UVRAG: variants seen among roughly 807,000 people sequenced by gnomAD.
The protein encoded by UVRAG is UV radiation resistance-associated gene protein.
In UVRAG, 19 loss-of-function variants were observed where a neutral mutation model predicts 78.0. That is an observed-to-expected ratio of 0.24 (90% confidence interval 0.17 to 0.36). The LOEUF is 0.36. Ranked by LOEUF, UVRAG falls within the 10% of genes least tolerant of loss-of-function variation. The pLI is 1.00. For synonymous variants in UVRAG, 323 were observed against 324.6 expected (o/e 1.00, Z 0.05); for missense variants, 740 against 853.8 (o/e 0.87, Z 1.66).
At chr11:75,893,604 A>C (rs969248541) in intron 5 of UVRAG, among the ~76,000 whole-genome samples, 1 of 148,938 alleles carries the variant, frequency 6.7e-6, no homozygotes, top group Admixed American at 6.9e-5. Context: ...TTTCTAGTAA[A>C]CTTTCAGTCA....
At chr11:76,028,290 C>G (rs1257261512) in intron 12 of UVRAG, among the ~76,000 whole-genome samples, 3 of 152,090 alleles carry the variant, frequency 2.0e-5, no homozygotes, top group Non-Finnish European at 4.4e-5. Context: ...ATCTCTCTCC[C>G]TCTCCTCAAA....
intron 5 of UVRAG, among the ~76,000 whole-genome samples, chr11:75,901,753 A>G (rs925203623): frequency 4.6e-5 from 7 of 152,202 alleles, no homozygotes; most frequent in Non-Finnish European, 1.0e-4. Flanking sequence ...TTTGCCCTCA[A>G]TAATTAATGA....
chr11:75,834,591 G>A (rs1945739096), intron 1 of UVRAG, among the ~76,000 whole-genome samples: 1 of 152,136 alleles, frequency 6.6e-6, no homozygotes, highest in Admixed American at 6.6e-5. Flanking sequence ...GAGGCGGGTG[G>A]ATCATGAGGT....
At chr11:75,877,512 AC>A (rs529218162) in intron 3 of UVRAG, among the ~76,000 whole-genome samples, 7,379 of 90,360 alleles carry the variant, frequency 0.082, 383 homozygotes, top group African/African-American at 0.16. Flanking sequence ...GCGGGGGGTG[AC>A]CCCCCCCACC....
chr11:75,896,541 A>C (rs1461160545), intron 5 of UVRAG, among the ~76,000 whole-genome samples: 1 of 152,244 alleles, frequency 6.6e-6, no homozygotes, highest in African/African-American at 2.4e-5. Flanking sequence ...CTATTACTCC[A>C]GTAAATGGAA....
intron 3 of UVRAG, among the ~76,000 whole-genome samples, chr11:75,870,963 A>G (rs573911576): frequency 6.9e-4 from 105 of 151,872 alleles, no homozygotes; most frequent in Non-Finnish European, 6.3e-4. Flanking sequence ...TCCGCCTCCA[A>G]GGTACAAGCG....
chr11:75,997,308 T>C lies in UVRAG; in HGVS notation c.827-6697T>C, dbSNP rs75574311. Among the ~76,000 whole-genome samples the C allele has an allele frequency of 8.4e-3, 1,281 of 152,332 alleles. 14 individuals carry two copies. Among genetic ancestry groups the C allele is most frequent in the African/African-American group, 0.029 (1,193 of 41,584 alleles). On this transcript the variant is annotated intron_variant, in intron 8 of 14. Transcript: ENST00000356136. ...TGGCCAGTCTCAGACCAAACTCTGG[T>C]GAGAGAGAACCAAGAGTCTGTGTTT...
intron 7 of UVRAG, among the ~76,000 whole-genome samples, chr11:75,982,768 T>C (rs2135275691): frequency 6.6e-6 from 1 of 152,366 alleles, no homozygotes; most frequent in Admixed American, 6.5e-5. Context: ...GTGTGTGGCC[T>C]TTTAAAACTG....
intron 12 of UVRAG, among the ~76,000 whole-genome samples, chr11:76,064,240 A>C (rs540701313): frequency 3.7e-4 from 57 of 152,344 alleles, no homozygotes; most frequent in Admixed American, 9.1e-4. Context: ...AGAGCTGTTC[A>C]GATAGTCTAC....
At chr11:76,140,232 CT>C (rs369351363) in intron 14 of UVRAG, among the ~76,000 whole-genome samples, 449 of 151,206 alleles carry the variant, frequency 3.0e-3, no homozygotes, top group African/African-American at 0.011. Flanking sequence ...ATCCTTCTCA[CT>C]GCCTCACTGA....
chr11:76,030,861 T>C (rs1365505978), intron 12 of UVRAG, among the ~76,000 whole-genome samples: 1 of 152,218 alleles, frequency 6.6e-6, no homozygotes, highest in African/African-American at 2.4e-5. Flanking sequence ...ATCACAGAAA[T>C]GAAGTTCTTT....
At chr11:75,897,988 C>T (rs1351293745) in intron 5 of UVRAG, among the ~76,000 whole-genome samples, 2 of 150,220 alleles carry the variant, frequency 1.3e-5, no homozygotes, top group African/African-American at 4.9e-5. Context: ...TCTCTCTCAG[C>T]CTCCCGAGTG....
chr11:75,979,314 T>C (rs757103355), intron 7 of UVRAG, among the ~76,000 whole-genome samples: 1 of 152,224 alleles, frequency 6.6e-6, no homozygotes, highest in Non-Finnish European at 1.5e-5. Flanking sequence ...GTTAGGCTAC[T>C]TGGGGGTCAG....
At chr11:76,074,416 A>T (rs1459683217) in intron 13 of UVRAG, among the ~76,000 whole-genome samples, 1 of 152,202 alleles carries the variant, frequency 6.6e-6, no homozygotes, top group Non-Finnish European at 1.5e-5. Flanking sequence ...CTATCAGTGG[A>T]TTCTTCCTTG....
intron 12 of UVRAG, among the ~76,000 whole-genome samples, chr11:76,052,479 C>T (rs536386543): frequency 9.5e-4 from 145 of 152,206 alleles, no homozygotes; most frequent in Non-Finnish European, 1.8e-3. Context: ...GCTTCATTTC[C>T]TTACCTCTAG....
At chr11:75,904,858 T>C (rs1947582513) in intron 5 of UVRAG, among the ~76,000 whole-genome samples, 1 of 152,234 alleles carries the variant, frequency 6.6e-6, no homozygotes, top group South Asian at 2.1e-4. Context: ...CTTTTTATAT[T>C]GCTGTTATTT....
At chr11:76,125,722 T>G (rs1952375027) in intron 14 of UVRAG, among the ~76,000 whole-genome samples, 2 of 152,302 alleles carry the variant, frequency 1.3e-5, no homozygotes, top group African/African-American at 4.8e-5. Flanking sequence ...TTCTATTTAC[T>G]CCTTTTGATT....
At chr11:75,922,436 G>A (rs1252272338) in intron 6 of UVRAG, among the ~76,000 whole-genome samples, 1 of 151,502 alleles carries the variant, frequency 6.6e-6, no homozygotes, top group Non-Finnish European at 1.5e-5. Flanking sequence ...GTTTTTTTAA[G>A]GAAAGCTCTC....
intron 13 of UVRAG, among the ~76,000 whole-genome samples, chr11:76,106,137 C>G (rs2134451758): frequency 6.6e-6 from 1 of 152,176 alleles, no homozygotes; most frequent in East Asian, 1.9e-4. Flanking sequence ...TTGGTACATC[C>G]ATAGAATAGA....
Sources: allele counts gnomAD v4.1 joint callset (sites outside exome capture counted in the v4.1 genomes callset), GRCh38; gene constraint gnomAD v4.1.1; transcripts MANE v1.5; gene names NCBI Gene and HGNC (gene_info 2026-07-23, HGNC 2026-07-21).